STS: variants seen among roughly 807,000 people sequenced by gnomAD.
STS encodes the protein steroid sulfatase.
In STS, 7 loss-of-function variants were observed where a neutral mutation model predicts 26.8. That is an observed-to-expected ratio of 0.26 (90% CI 0.15 to 0.49). The LOEUF is 0.49. STS is among the 20% of genes least tolerant of loss of function. STS has a pLI of 0.98. For missense variants in STS, 434 were observed against 465.6 expected (o/e 0.93, Z 0.63); for synonymous variants, 199 against 189.4 (o/e 1.05, Z -0.42).
chrX:7,300,009 T>C (rs766339826), intron 7 of STS, among the ~76,000 whole-genome samples: 5 of 111,951 alleles, frequency 4.5e-5, no homozygotes, highest in African/African-American at 1.6e-4. Context: ...TAATAGTAGC[T>C]TAGTGCTTGT....
At chrX:7,236,767 G>A (rs1447037049) in intron 2 of STS, among the ~76,000 whole-genome samples, 1 of 111,417 alleles carries the variant, frequency 9.0e-6, no homozygotes, top group Non-Finnish European at 1.9e-5. Flanking sequence ...CAATTAATTA[G>A]AGCTCTTTTA....
At chrX:7,154,034 G>A (rs776437446) in intron 1 of STS, among the ~76,000 whole-genome samples, 6 of 109,272 alleles carry the variant, frequency 5.5e-5, no homozygotes, top group South Asian at 3.9e-4. Context: ...TTCCTCTGGC[G>A]TAGCTCCCTC....
intron 7 of STS, among the ~76,000 whole-genome samples, chrX:7,301,737 C>T (rs1017285451): frequency 4.5e-5 from 5 of 111,711 alleles, no homozygotes; most frequent in African/African-American, 1.3e-4. Context: ...CCCAAGCCCA[C>T]GGTAATGACT....
intron 2 of STS, among the ~76,000 whole-genome samples, chrX:7,204,792 T>C (rs1934165937): frequency 9.6e-6 from 1 of 103,965 alleles, no homozygotes. Flanking sequence ...CCTCCTAACT[T>C]CCTCTCTCCC....
chrX:7,206,330 G>C (rs775376920), intron 2 of STS, among the ~76,000 whole-genome samples: 2 of 111,679 alleles, frequency 1.8e-5, no homozygotes, highest in East Asian at 2.8e-4. Flanking sequence ...AGTTCTCTTT[G>C]AGATGTCCTC....
intron 2 of STS, among the ~76,000 whole-genome samples, chrX:7,251,797 A>T (rs1214562421): frequency 9.0e-6 from 1 of 110,643 alleles, no homozygotes; most frequent in East Asian, 2.8e-4. Flanking sequence ...TCTCTAAAAA[A>T]TAAAAATAAA....
At chrX:7,240,465 GCACA>G (rs3077768) in intron 2 of STS, among the ~76,000 whole-genome samples, 17 of 85,121 alleles carry the variant, frequency 2.0e-4, no homozygotes, top group South Asian at 6.9e-4. Flanking sequence ...GAGCGCGCGC[GCACA>G]CACACACACA....
chrX:7,300,981 C>T (rs1012751554), intron 7 of STS, among the ~76,000 whole-genome samples: 5 of 111,016 alleles, frequency 4.5e-5, no homozygotes, highest in African/African-American at 1.6e-4. Flanking sequence ...ATGTAGCTGG[C>T]CTTGGCTTTG....
At chrX:7,274,197 TATTTA>T (rs1484745080) in intron 6 of STS, among the ~76,000 whole-genome samples, 6 of 111,475 alleles carry the variant, frequency 5.4e-5, no homozygotes, top group African/African-American at 2.0e-4. Context: ...GAAGTGTAGT[TATTTA>T]AGGAACCCAC....
At chrX:7,154,889 T>A (rs1179525534) in intron 1 of STS, among the ~76,000 whole-genome samples, 1 of 112,434 alleles carries the variant, frequency 8.9e-6, no homozygotes, top group Non-Finnish European at 1.9e-5. Context: ...TTTTCTTCAA[T>A]TATGATGTCA....
chrX:7,300,314 C>T (rs1323880812), intron 7 of STS, among the ~76,000 whole-genome samples: 1 of 112,117 alleles, frequency 8.9e-6, no homozygotes, highest in Non-Finnish European at 1.9e-5. Flanking sequence ...TAATGCAGCT[C>T]ACCATCGGCA....
intron 1 of STS, among the ~76,000 whole-genome samples, chrX:7,165,547 G>A (rs1401760556): frequency 1.8e-5 from 2 of 111,411 alleles, no homozygotes; most frequent in African/African-American, 6.5e-5. Context: ...TTGGGAGGCT[G>A]AAGTAGGAGG....
chrX:7,212,885 C>A (rs1921092549), intron 2 of STS, among the ~76,000 whole-genome samples: 1 of 112,165 alleles, frequency 8.9e-6, no homozygotes, highest in East Asian at 2.8e-4. Flanking sequence ...TAATGGACAT[C>A]CCACTTCCTT....
rs147794759 is a variant in STS, at chrX:7,336,775, G to A, written c.1363+2668G>A. Among the ~76,000 whole-genome samples the A allele has an allele frequency of 8.1e-4, 91 of 112,351 alleles. 1 individual carries two copies. The East Asian group carries it at 0.017, about 21-fold the overall frequency. On this transcript the variant is annotated intron_variant, in intron 10 of 10. Coordinates refer to ENST00000674429, the MANE Select transcript of STS (RefSeq NM_001320752.2). ...GACTACTGCATGTTCGAATAAGTCT[G>A]TATCATGTCCTGAACCTTGCAAAAT...
chrX:7,166,564 A>G (rs1424997420), intron 1 of STS, among the ~76,000 whole-genome samples: 1 of 112,057 alleles, frequency 8.9e-6, no homozygotes, highest in East Asian at 2.8e-4. Flanking sequence ...CACCACAGTT[A>G]GCAATATGAA....
At chrX:7,296,497 C>A (rs1260224517) in intron 7 of STS, among the ~76,000 whole-genome samples, 1 of 111,875 alleles carries the variant, frequency 8.9e-6, no homozygotes, top group African/African-American at 3.2e-5. Flanking sequence ...TGTCGATAAC[C>A]CTATGGAAAC....
chrX:7,259,745 C>T lies in STS; in HGVS notation c.779C>T (p.Thr260Met), dbSNP rs780043451. The T allele has an allele frequency of 8.3e-6, 10 of 1,209,219 alleles. No homozygotes were observed. Among genetic ancestry groups the T allele is most frequent in the South Asian group, 3.5e-5 (2 of 56,786 alleles). Residue 260 changes from threonine to methionine, a missense_variant, in exon 6 of 11, where the codon ACG (threonine) becomes ATG (methionine). Thr to Met is a moderately conservative substitution (Grantham distance 81, BLOSUM62 -1). Around this residue, in one of 2 missense-constraint regions of STS, gnomAD observed 229 missense variants for 288.3 expected, o/e 0.79. Coordinates refer to ENST00000674429, the MANE Select transcript of STS (RefSeq NM_001320752.2). ...MSYDNLTQRL[T>M]VEAAQFIQRN... ...TATGACAATCTCACCCAGAGGCTAA[C>T]GGTGGAGGCGGCCCAGTTCATACAG... is the stretch of plus-strand genomic sequence containing the variant.
intron 2 of STS, among the ~76,000 whole-genome samples, chrX:7,191,872 G>T (rs1324944919): frequency 4.4e-5 from 5 of 112,680 alleles, no homozygotes; most frequent in Non-Finnish European, 9.4e-5. Flanking sequence ...GTCCCTGCCT[G>T]CAGGAAGAGC....
chrX:7,324,256 G>T (rs1281393689), intron 8 of STS, among the ~76,000 whole-genome samples: 1 of 110,934 alleles, frequency 9.0e-6, no homozygotes, highest in Non-Finnish European at 1.9e-5. Context: ...TTAAAGACCT[G>T]CAGTCAATAG....
Sources: allele counts gnomAD v4.1 joint callset (sites outside exome capture counted in the v4.1 genomes callset), GRCh38; gene constraint gnomAD v4.1.1; regional missense constraint gnomAD v4.1.1; transcripts MANE v1.5; gene names NCBI Gene and HGNC (gene_info 2026-07-23, HGNC 2026-07-21).